PLD5: variants seen among roughly 807,000 people sequenced by gnomAD.
PLD5 encodes the protein phospholipase D family member 5.
Under a neutral mutation model 61.1 loss-of-function variants are expected in PLD5, and 36 were observed. That is an observed-to-expected ratio of 0.59 (90% CI 0.45 to 0.78). The LOEUF is 0.78. Among genes scored for constraint, PLD5 ranks in the 30% least tolerant of loss-of-function variants. PLD5 has a pLI of 0.00. For synonymous variants in PLD5, 243 were observed against 242.8 expected (o/e 1.00, Z -0.01); for missense variants, 515 against 644.4 (o/e 0.80, Z 2.17).
At chr1:242,105,542 A>G (rs1660987801) in intron 8 of PLD5, among the ~76,000 whole-genome samples, 1 of 152,192 alleles carries the variant, frequency 6.6e-6, no homozygotes, top group Non-Finnish European at 1.5e-5. Context: ...GTGCTTTTAA[A>G]AAGCTTATTA....
chr1:242,486,899 A>T (rs1667982083), intron 1 of PLD5, among the ~76,000 whole-genome samples: 1 of 152,188 alleles, frequency 6.6e-6, no homozygotes, highest in African/African-American at 2.4e-5. Context: ...GGATGAGTTC[A>T]TGTCCTTTGT....
chr1:242,272,973 TA>T (rs1674192639), intron 3 of PLD5, among the ~76,000 whole-genome samples: 1 of 152,150 alleles, frequency 6.6e-6, no homozygotes, highest in Non-Finnish European at 1.5e-5. Flanking sequence ...GTTTGTTACA[TA>T]GGTATACATG....
chr1:242,153,610 A>G (rs896083288), intron 5 of PLD5, among the ~76,000 whole-genome samples: 3 of 152,152 alleles, frequency 2.0e-5, no homozygotes, highest in African/African-American at 7.2e-5. Context: ...TAAATAGGGA[A>G]TCCTTTCCCC....
At chr1:242,407,661 C>G (rs951170582) in intron 1 of PLD5, among the ~76,000 whole-genome samples, 1 of 151,006 alleles carries the variant, frequency 6.6e-6, no homozygotes, top group African/African-American at 2.4e-5. Flanking sequence ...CTCACTGCAA[C>G]CTCTGCCTAT....
At chr1:242,289,252 T>C (rs1675212069) in intron 2 of PLD5, among the ~76,000 whole-genome samples, 1 of 152,204 alleles carries the variant, frequency 6.6e-6, no homozygotes, top group Admixed American at 6.5e-5. Context: ...CTTGGCTGCC[T>C]TTTTTTCACT....
chr1:242,347,805 C>T (rs1170955893), intron 2 of PLD5, among the ~76,000 whole-genome samples: 1 of 152,206 alleles, frequency 6.6e-6, no homozygotes, highest in Non-Finnish European at 1.5e-5. Context: ...TTTACAGGCT[C>T]ATCATGAACA....
At chr1:242,157,683 T>C (rs1186187897) in intron 5 of PLD5, among the ~76,000 whole-genome samples, 1 of 152,182 alleles carries the variant, frequency 6.6e-6, no homozygotes, top group Non-Finnish European at 1.5e-5. Context: ...CAGCAAAGAT[T>C]GCTGCCTGTT....
At chr1:242,171,810 T>A (rs1469205437) in intron 5 of PLD5, among the ~76,000 whole-genome samples, 1 of 151,706 alleles carries the variant, frequency 6.6e-6, no homozygotes, top group African/African-American at 2.4e-5. Flanking sequence ...GGGCATTACA[T>A]AGTGGTAAAG....
intron 8 of PLD5, 54 bp from the exon 9 acceptor site, chr1:242,100,836 G>A (rs1376520728): frequency 1.6e-6 from 2 of 1,215,488 alleles, no homozygotes; most frequent in Non-Finnish European, 1.2e-6. Flanking sequence ...TTCTGGTCTT[G>A]TCCAAGAGCA....
Position 242,422,926 on chromosome 1 carries a change from G to C in PLD5, c.190-74684C>G, listed in dbSNP as rs578085587. 3.4e-5 allele frequency among the ~76,000 whole-genome samples: 5 copies of C among 149,186 alleles called. No homozygotes were observed. The East Asian group carries it at 1.0e-3, about 30-fold the overall frequency. On this transcript the variant is annotated intron_variant, in intron 1 of 9. Transcript: ENST00000536534. ...TGCAGTGGCACAATCACAGCCCACT[G>C]CAGTCTCCACCTCCTGGGCTCAAGT...
At position 242,524,319 on chromosome 1, in the gene PLD5, A is replaced by ACGGGCGCGCGGGGAGC; in HGVS notation, c.-59_-44dup. The stretch of plus-strand genomic sequence containing the variant: ...GCCGCCGGCGAGCAGCGGACTCGGG[A>ACGGGCGCGCGGGGAGC]CGGGCGCGCGGGGAGCCGGGCGCGG... On this transcript the variant is annotated 5_prime_UTR_variant, in exon 1 of 10. Coordinates refer to ENST00000536534, the MANE Select transcript of PLD5 (RefSeq NM_001372062.1). 7.3e-7 allele frequency: 1 copy of ACGGGCGCGCGGGGAGC among 1,365,452 alleles called. No homozygotes were observed. The highest frequency in any genetic ancestry group is 9.4e-7 in the Non-Finnish European group (1 of 1,067,550). 84.6% of individuals were successfully genotyped at this position (1,365,452 alleles called of 1,614,324 possible). A position where few individuals can be genotyped will look rare whatever the true frequency, so the allele number is the denominator to read the frequency against.
At chr1:242,345,181 C>T (rs150340435) in intron 2 of PLD5, among the ~76,000 whole-genome samples, 85 of 152,264 alleles carry the variant, frequency 5.6e-4, no homozygotes, top group African/African-American at 2.0e-3. Flanking sequence ...TGGTAAATTG[C>T]CACAATCGTC....
chr1:242,375,615 A>C (rs1661904872), intron 1 of PLD5, among the ~76,000 whole-genome samples: 1 of 152,222 alleles, frequency 6.6e-6, no homozygotes, highest in South Asian at 2.1e-4. Context: ...TTACTTAAAA[A>C]AATAAGTACA....
intron 1 of PLD5, among the ~76,000 whole-genome samples, chr1:242,472,364 T>C (rs1667471128): frequency 6.6e-6 from 1 of 152,220 alleles, no homozygotes; most frequent in Admixed American, 6.5e-5. Flanking sequence ...AGGCATCTGA[T>C]TCAGTGTCAA....
chr1:242,155,998 G>C (rs1450566741), intron 5 of PLD5, among the ~76,000 whole-genome samples: 1 of 152,126 alleles, frequency 6.6e-6, no homozygotes, highest in African/African-American at 2.4e-5. Flanking sequence ...TCTCTTTGTA[G>C]GTTTCTAAGA....
chr1:242,418,344 G>T (rs1664941676), intron 1 of PLD5, among the ~76,000 whole-genome samples: 1 of 152,092 alleles, frequency 6.6e-6, no homozygotes, highest in Non-Finnish European at 1.5e-5. Flanking sequence ...ATGCCCATTG[G>T]ACATACAAAG....
intron 5 of PLD5, among the ~76,000 whole-genome samples, chr1:242,152,290 C>T (rs542414594): frequency 6.6e-5 from 10 of 152,026 alleles, no homozygotes; most frequent in Admixed American, 1.3e-4. Context: ...TGTCTAATTC[C>T]CTCTCCCAGT....
intron 5 of PLD5, among the ~76,000 whole-genome samples, chr1:242,200,622 G>A (rs1327956407): frequency 8.0e-6 from 1 of 124,730 alleles, no homozygotes; most frequent in Non-Finnish European, 1.7e-5. Context: ...GAAACAGTGT[G>A]GCACAGGCAA....
chr1:242,452,077 A>C (rs1666800991), intron 1 of PLD5, among the ~76,000 whole-genome samples: 1 of 152,152 alleles, frequency 6.6e-6, no homozygotes, highest in Admixed American at 6.5e-5. Flanking sequence ...TGGCAAGCTG[A>C]AGGCTAGAAG....
Sources: gnomAD v4.1 joint callset for allele counts (sites outside exome capture counted in the v4.1 genomes callset) on GRCh38, gnomAD v4.1.1 for gene constraint, MANE v1.5 for transcripts, NCBI Gene and HGNC (gene_info 2026-07-23, HGNC 2026-07-21) for gene names.